The following FBXO31 variants were observed in gnomAD, a reference collection of about 807,000 sequenced individuals.
The protein encoded by FBXO31 is F-box protein 31.
A neutral mutation model predicts 54.4 loss-of-function variants in FBXO31; 24 were observed. The observed-to-expected ratio is 0.44, with a 90% CI of 0.32 to 0.62. The LOEUF (loss-of-function observed/expected upper bound fraction) is 0.62. FBXO31 is among the 20% of genes least tolerant of loss of function. The pLI is 0.05. For synonymous variants in FBXO31, 388 were observed against 335.6 expected (o/e 1.16, Z -1.71); for missense variants, 665 against 787.1 (o/e 0.84, Z 1.86).
chr16:87,366,649 G>A (rs908408533), intron 1 of FBXO31, among the ~76,000 whole-genome samples: 17 of 152,274 alleles, frequency 1.1e-4, no homozygotes, highest in East Asian at 3.9e-4. Context: ...TGCCACTGAC[G>A]AAAAATGGGA....
intron 3 of FBXO31, 83 bp from the exon 4 acceptor site, chr16:87,343,848 T>C (rs1905272186): frequency 1.3e-6 from 2 of 1,500,646 alleles, no homozygotes; most frequent in South Asian, 1.2e-5. Flanking sequence ...CGCACTGCAA[T>C]GGCACAGAGA....
chr16:87,385,814 G>C (rs1287175687), upstream of FBXO31, among the ~76,000 whole-genome samples: 1 of 152,124 alleles, frequency 6.6e-6, no homozygotes, highest in Non-Finnish European at 1.5e-5. Context: ...TTCAAGATCA[G>C]CCTGGCCAAC....
At position 87,330,784 on chromosome 16, in the gene FBXO31, T is replaced by C. The variant is rs8063861; in HGVS notation, c.*504A>G. 1,825 of 163,364 alleles carry C rather than the reference T, an allele frequency of 0.011. 42 individuals are homozygous for C. The highest frequency in any genetic ancestry group is 0.041 in the African/African-American group (1,715 of 41,840). 10.1% of individuals were successfully genotyped at this position (163,364 alleles called of 1,614,324 possible). A position where few individuals can be genotyped will look rare whatever the true frequency, so the allele number is the denominator to read the frequency against. On this transcript the variant is annotated 3_prime_UTR_variant, in exon 9 of 9. Transcript: ENST00000311635. ...GAGCTTGCTCTGCGTACTGTGCCCA[T>C]CACACCTGCGCTGCCTGAGCTGTTC... is the stretch of plus-strand genomic sequence containing the variant.
At chr16:87,368,712 C>T (rs1441584274) in intron 1 of FBXO31, among the ~76,000 whole-genome samples, 3 of 151,588 alleles carry the variant, frequency 2.0e-5, no homozygotes, top group Non-Finnish European at 2.9e-5. Context: ...CAGATAACCT[C>T]AGTCCAACAT....
At chr16:87,378,251 A>G (rs1225369123) in intron 1 of FBXO31, among the ~76,000 whole-genome samples, 2 of 152,220 alleles carry the variant, frequency 1.3e-5, no homozygotes, top group East Asian at 1.9e-4. Context: ...CAAAAATGAA[A>G]GATAAATAAA....
intron 1 of FBXO31, among the ~76,000 whole-genome samples, chr16:87,370,605 T>C (rs1906559503): frequency 6.6e-6 from 1 of 151,800 alleles, no homozygotes; most frequent in African/African-American, 2.4e-5. Flanking sequence ...GGCAGTGGGG[T>C]GACCCTGGGC....
rs1905401028 is a variant in FBXO31 at position 87,346,679 on chromosome 16, A to G, written c.489+495T>C. 6.6e-6 allele frequency among the ~76,000 whole-genome samples: 1 copy of G among 152,248 alleles called. No individual in the cohort carries two copies. Among genetic ancestry groups the G allele is most frequent in the African/African-American group, 2.4e-5 (1 of 41,480 alleles). On this transcript the variant is annotated intron_variant, in intron 3 of 8. Coordinates refer to ENST00000311635, the MANE Select transcript of FBXO31 (RefSeq NM_024735.5). This position sits in a 1 kb window ranked among gnomAD's most constrained non-coding sequence, Gnocchi z 4.2. ...TCTAGCAGGGGCCAGCCACCTGCCC[A>G]GAGCTCAACAAAGTCAGAGCAGGGC...
chr16:87,332,192 C>G (rs550094200), intron 8 of FBXO31, among the ~76,000 whole-genome samples: 1 of 152,210 alleles, frequency 6.6e-6, no homozygotes, highest in Non-Finnish European at 1.5e-5. Flanking sequence ...TTCTCAAGCT[C>G]GGGGAGAAGT....
intron 8 of FBXO31, among the ~76,000 whole-genome samples, chr16:87,332,442 A>C (rs1481270165): frequency 6.6e-6 from 1 of 152,216 alleles, no homozygotes; most frequent in Non-Finnish European, 1.5e-5. Context: ...ACTGGCTCTG[A>C]GCCCACTGTG....
chr16:87,364,940 G>A (rs1403120179), intron 1 of FBXO31, among the ~76,000 whole-genome samples: 2 of 142,166 alleles, frequency 1.4e-5, no homozygotes, highest in African/African-American at 5.3e-5. Flanking sequence ...CCAGGAGGTC[G>A]AGCCTGCAGT....
intron 2 of FBXO31, among the ~76,000 whole-genome samples, chr16:87,357,774 T>C (rs1905960326): frequency 6.6e-6 from 1 of 152,054 alleles, no homozygotes; most frequent in African/African-American, 2.4e-5. Flanking sequence ...CTACTAAAAA[T>C]ACAAAAAAAT....
intron 2 of FBXO31, among the ~76,000 whole-genome samples, chr16:87,354,067 T>C (rs1905787068): frequency 6.6e-6 from 1 of 152,262 alleles, no homozygotes; most frequent in Admixed American, 6.5e-5. Context: ...AATGGACATT[T>C]GTAAGGAATT....
chr16:87,377,626 G>T, intron 1 of FBXO31, among the ~76,000 whole-genome samples: 1 of 152,072 alleles, frequency 6.6e-6, no homozygotes, highest in African/African-American at 2.4e-5. Flanking sequence ...ACGAGTTCAA[G>T]ACCAGCGGGG....
chr16:87,381,641 T>C (rs1179307952), intron 1 of FBXO31, among the ~76,000 whole-genome samples: 1 of 152,194 alleles, frequency 6.6e-6, no homozygotes, highest in Non-Finnish European at 1.5e-5. Flanking sequence ...CATGCAGACC[T>C]CCTTGGGGTG....
chr16:87,364,576 G>A (rs996024221), intron 1 of FBXO31, among the ~76,000 whole-genome samples: 2 of 152,084 alleles, frequency 1.3e-5, no homozygotes, highest in African/African-American at 4.8e-5. Flanking sequence ...CCTGGGCGGG[G>A]GCATCCAACT....
intron 2 of FBXO31, among the ~76,000 whole-genome samples, chr16:87,351,046 C>A (rs543076037): frequency 4.3e-4 from 65 of 152,366 alleles, no homozygotes; most frequent in African/African-American, 1.3e-3. Context: ...CCACCAAAAC[C>A]ATCCCAAGAG....
chr16:87,339,737 A>G (rs1260356108), intron 5 of FBXO31, among the ~76,000 whole-genome samples: 2 of 152,258 alleles, frequency 1.3e-5, no homozygotes, highest in Non-Finnish European at 2.9e-5. Flanking sequence ...AAGAAGAGAC[A>G]GCAAGGGGAT....
chr16:87,388,887 G>A (rs982337558), intron 1 of FBXO31: 1 of 152,148 alleles, frequency 6.6e-6, no homozygotes, highest in Non-Finnish European at 1.5e-5. Context: ...ATGTGTTCTT[G>A]CTTTTCTACT....
chr16:87,389,282 A>G (rs897752416), intron 1 of FBXO31, among the ~76,000 whole-genome samples: 3 of 152,206 alleles, frequency 2.0e-5, no homozygotes, highest in African/African-American at 7.2e-5. Context: ...GTGGCTTTAG[A>G]TTCAAGTTGG....
Sources: gnomAD v4.1 joint callset for allele counts (sites outside exome capture counted in the v4.1 genomes callset) on GRCh38, gnomAD v4.1.1 for gene constraint, Gnocchi (gnomAD v3.1) non-coding constraint, MANE v1.5 for transcripts, NCBI Gene and HGNC (gene_info 2026-07-23, HGNC 2026-07-21) for gene names.